CTNNA2: variants seen among roughly 807,000 people sequenced by gnomAD.
CTNNA2 encodes the protein catenin alpha-2.
In CTNNA2, 42 loss-of-function variants were observed where a neutral mutation model predicts 101.0. The observed-to-expected ratio is 0.42, with a 90% confidence interval of 0.32 to 0.54. The LOEUF (loss-of-function observed/expected upper bound fraction) is 0.54, where lower values mean the gene tolerates loss of function less well. Among genes scored for constraint, CTNNA2 ranks in the 20% least tolerant of loss-of-function variants. The probability of loss-of-function intolerance (pLI) is 0.14; values close to 1 mark genes in which losing one functional copy is unlikely to be tolerated. For missense variants in CTNNA2, 871 were observed against 1,223.1 expected, an observed-to-expected ratio of 0.71 and a Z score of 4.29; for synonymous variants, 450 against 456.4, an observed-to-expected ratio of 0.99 and a Z score of 0.18.
intron 1 of CTNNA2, among the ~76,000 whole-genome samples, chr2:79,191,483 C>A (rs1213405713): frequency 3.3e-5 from 5 of 152,202 alleles, no homozygotes; most frequent in African/African-American, 4.8e-5. Context: ...AAGATACCCA[C>A]CCTAACCTTG....
intron 7 of CTNNA2, among the ~76,000 whole-genome samples, chr2:79,933,112 AG>A (rs1158553431): frequency 1.3e-5 from 2 of 152,190 alleles, no homozygotes; most frequent in African/African-American, 4.8e-5. Context: ...CATGCTTTAT[AG>A]GGTTTTTGTT....
rs1195122401 is a variant in CTNNA2 at position 80,622,852 on chromosome 2, C to T, written c.2574+3624C>T. On this transcript the variant is annotated intron_variant, in intron 18 of 18. Coordinates refer to ENST00000402739, the MANE Select transcript of CTNNA2 (RefSeq NM_001282597.3). ...TAGCCCCTTTACCAGATTATAAGAA[C>T]TTAGTAAGTAAACAAGGACTCAGTT... Among the ~76,000 whole-genome samples, 13 of 147,246 alleles carry T rather than the reference C, an allele frequency of 8.8e-5. No individual in the cohort carries two copies. The East Asian group carries it at 2.2e-3, about 25-fold the overall frequency.
At chr2:80,491,945 A>G (rs1687096224) in intron 9 of CTNNA2, among the ~76,000 whole-genome samples, 1 of 152,128 alleles carries the variant, frequency 6.6e-6, no homozygotes. Flanking sequence ...TCCACCGTCC[A>G]TGGGAAGTGA....
intron 4 of CTNNA2, among the ~76,000 whole-genome samples, chr2:79,450,671 G>T (rs1416302012): frequency 6.6e-6 from 1 of 152,000 alleles, no homozygotes; most frequent in Non-Finnish European, 1.5e-5. Context: ...TTCAAGGCAA[G>T]AAATGTATAA....
intron 2 of CTNNA2, among the ~76,000 whole-genome samples, chr2:79,739,709 A>G (rs573840745): frequency 6.6e-6 from 1 of 152,344 alleles, no homozygotes; most frequent in South Asian, 2.1e-4. Context: ...ACCAAGACCT[A>G]GTGTCAGTCT....
At chr2:80,203,618 C>T (rs1397736087) in intron 7 of CTNNA2, among the ~76,000 whole-genome samples, 1 of 152,230 alleles carries the variant, frequency 6.6e-6, no homozygotes. Flanking sequence ...CAGGATATTG[C>T]TTCCCTCCTG....
intron 2 of CTNNA2, among the ~76,000 whole-genome samples, chr2:79,717,117 G>A (rs1374656737): frequency 6.6e-6 from 1 of 152,130 alleles, no homozygotes; most frequent in African/African-American, 2.4e-5. Context: ...TATGAGCCCT[G>A]GAGAAGGAAA....
chr2:80,433,306 G>A (rs1681717280), intron 9 of CTNNA2, among the ~76,000 whole-genome samples: 1 of 152,068 alleles, frequency 6.6e-6, no homozygotes, highest in Non-Finnish European at 1.5e-5. Context: ...CCCCGTCTGG[G>A]GAAGGGGCTC....
At chr2:80,229,058 C>T (rs981575605) in intron 7 of CTNNA2, among the ~76,000 whole-genome samples, 18 of 152,116 alleles carry the variant, frequency 1.2e-4, no homozygotes, top group Non-Finnish European at 1.9e-4. Flanking sequence ...TTCTCCCTTT[C>T]GTAAACAAAT....
At position 79,799,635 on chromosome 2, in the gene CTNNA2, T is replaced by G. The variant is rs1190486335; in HGVS notation, c.298+55053T>G. Among the ~76,000 whole-genome samples, 5 of 152,076 alleles carry G rather than the reference T, an allele frequency of 3.3e-5. No individual in the cohort carries two copies. In the East Asian group the frequency reaches 9.6e-4, roughly 29 times the overall value. On this transcript the variant is annotated intron_variant, in intron 3 of 18. Coordinates refer to ENST00000402739, the MANE Select transcript of CTNNA2 (RefSeq NM_001282597.3). ...GGAACAGATAATGAAGCTTAGAAAGTGAGAGAGCAAAAAGAGCTATTACCG... is the reference window on the plus strand; with the variant it reads ...GGAACAGATAATGAAGCTTAGAAAGGGAGAGAGCAAAAAGAGCTATTACCG...
chr2:80,584,494 A>G (rs1310409806), intron 14 of CTNNA2, among the ~76,000 whole-genome samples: 2 of 151,936 alleles, frequency 1.3e-5, no homozygotes, highest in Non-Finnish European at 2.9e-5. Context: ...GTGATCTGAT[A>G]AAATATGGAG....
At chr2:79,483,080 G>A (rs1671125286) in intron 4 of CTNNA2, among the ~76,000 whole-genome samples, 1 of 152,186 alleles carries the variant, frequency 6.6e-6, no homozygotes, top group African/African-American at 2.4e-5. Flanking sequence ...TACTTCCCAT[G>A]TGTGCTATGT....
At chr2:80,219,902 A>C (rs1033654767) in intron 7 of CTNNA2, among the ~76,000 whole-genome samples, 3 of 152,154 alleles carry the variant, frequency 2.0e-5, no homozygotes, top group Non-Finnish European at 4.4e-5. Context: ...TCTGCATTTT[A>C]TATCAACTGT....
intron 3 of CTNNA2, among the ~76,000 whole-genome samples, chr2:79,786,279 A>G (rs550692259): frequency 6.6e-6 from 1 of 151,672 alleles, no homozygotes; most frequent in East Asian, 1.9e-4. Flanking sequence ...AGGTGGAAAG[A>G]ATAATTTAAT....
In CTNNA2 at chr2:80,049,041, C is replaced by G. The variant is rs568985641; in HGVS notation, c.1056+139244C>G. Among the ~76,000 whole-genome samples the G allele has an allele frequency of 1.2e-4, 19 of 152,154 alleles. No individual in the cohort carries two copies. The East Asian group carries it at 2.7e-3, about 22-fold the overall frequency. ...AGTCTAGGGGCAAAGAGGAGGCATTCGAGCAGGGAAGTAGCAAGATCTAAT... is the reference window on the plus strand; with the variant it reads ...AGTCTAGGGGCAAAGAGGAGGCATTGGAGCAGGGAAGTAGCAAGATCTAAT... On this transcript the variant is annotated intron_variant, in intron 7 of 18. Transcript: ENST00000402739.
intron 7 of CTNNA2, among the ~76,000 whole-genome samples, chr2:80,230,202 G>T (rs1229738870): frequency 6.8e-6 from 1 of 146,846 alleles, no homozygotes; most frequent in East Asian, 2.0e-4. Flanking sequence ...ATTCCCCATT[G>T]TTAAGCAATG....
intron 7 of CTNNA2, among the ~76,000 whole-genome samples, chr2:80,270,743 A>G (rs968261369): frequency 2.0e-5 from 3 of 152,238 alleles, no homozygotes; most frequent in Admixed American, 2.0e-4. Context: ...TCAGGTAAAC[A>G]TGTCTGAGAC....
intron 2 of CTNNA2, among the ~76,000 whole-genome samples, chr2:79,201,509 G>A (rs1386611454): frequency 6.6e-6 from 1 of 152,166 alleles, no homozygotes; most frequent in Admixed American, 6.5e-5. Flanking sequence ...CATTGTCGTG[G>A]AAGCAGGAAA....
chr2:79,661,028 G>A (rs953887285), intron 2 of CTNNA2, among the ~76,000 whole-genome samples: 1 of 152,168 alleles, frequency 6.6e-6, no homozygotes, highest in African/African-American at 2.4e-5. Flanking sequence ...TGTGTATGAT[G>A]TAAATGTTGG....
Sources: allele counts gnomAD v4.1 joint callset (sites outside exome capture counted in the v4.1 genomes callset), GRCh38; gene constraint gnomAD v4.1.1; transcripts MANE v1.5; gene names NCBI Gene and HGNC (gene_info 2026-07-23, HGNC 2026-07-21).